The following OR51B5 variants were observed in gnomAD, a reference collection of about 807,000 sequenced individuals.
OR51B5 encodes the protein olfactory receptor 51B5.
For synonymous variants in OR51B5, 186 were observed against 144.8 expected (o/e 1.28, Z -2.04); for missense variants, 456 against 374.6 (o/e 1.22, Z -1.79).
At chr11:5,390,566 G>C (rs7395910) in intron 1 of OR51B5, 440,556 of 559,366 alleles carry the variant, frequency 0.79, 175,669 homozygotes, top group Middle Eastern at 0.84. Context: ...GATTTTAATG[G>C]CTCCTCCTAC....
At chr11:5,433,329 A>G (rs1441492763) in intron 1 of OR51B5, among the ~76,000 whole-genome samples, 1 of 152,242 alleles carries the variant, frequency 6.6e-6, no homozygotes, top group Non-Finnish European at 1.5e-5. Flanking sequence ...AATGTAATAT[A>G]ACAAATTAAA....
chr11:5,484,081 C>T (rs771392971), intron 1 of OR51B5, among the ~76,000 whole-genome samples: 2 of 152,152 alleles, frequency 1.3e-5, no homozygotes, highest in Non-Finnish European at 2.9e-5. Context: ...ACCTTTACAC[C>T]GAGGTCCAAC....
chr11:5,406,860 G>T (rs1321722193), intron 1 of OR51B5, among the ~76,000 whole-genome samples: 2 of 151,974 alleles, frequency 1.3e-5, no homozygotes, highest in Non-Finnish European at 2.9e-5. Context: ...GAGTAAATAA[G>T]AAGAGCTTAC....
rs146834692 is a variant in OR51B5, at chr11:5,428,272, C to CA, written n.84+77296dup. 6.8e-4 allele frequency among the ~76,000 whole-genome samples: 102 copies of CA among 151,048 alleles called. 2 individuals carry two copies. The South Asian group carries it at 0.014, about 20-fold the overall frequency. ...GACTGCCACAATAAAGTGAATATTG[C>CA]AAAAAAAAGAGTCATACTTAAAATT... On this transcript the variant is annotated intron_variant and non_coding_transcript_variant, in intron 1 of 4. Transcript: ENST00000415970.
intron 1 of OR51B5, among the ~76,000 whole-genome samples, chr11:5,395,306 G>A (rs1182566598): frequency 2.0e-5 from 3 of 152,188 alleles, no homozygotes; most frequent in Non-Finnish European, 4.4e-5. Context: ...TGGAAGGGCT[G>A]CATGAGAAAG....
intron 1 of OR51B5, among the ~76,000 whole-genome samples, chr11:5,497,828 C>A (rs1249617459): frequency 6.6e-6 from 1 of 152,186 alleles, no homozygotes; most frequent in Non-Finnish European, 1.5e-5. Flanking sequence ...TGCCATCACA[C>A]ACAGTCTTAG....
downstream of OR51B5, chr11:5,341,194 G>A (rs921146822): frequency 6.6e-6 from 1 of 152,178 alleles, no homozygotes; most frequent in African/African-American, 2.4e-5. Flanking sequence ...CAGGAGACAG[G>A]GAGCAAGTAA....
chr11:5,503,112 C>T (rs61892117), intron 1 of OR51B5, among the ~76,000 whole-genome samples: 13,690 of 152,134 alleles, frequency 0.09, 733 homozygotes, highest in Non-Finnish European at 0.12. Flanking sequence ...ATTGGTAGTG[C>T]TATCTGTGTA....
chr11:5,377,943 C>G (rs542433199), intron 1 of OR51B5, among the ~76,000 whole-genome samples: 4 of 152,132 alleles, frequency 2.6e-5, no homozygotes, highest in South Asian at 2.1e-4. Flanking sequence ...ATTTTCTTCA[C>G]AGAATTGGAA....
intron 1 of OR51B5, among the ~76,000 whole-genome samples, chr11:5,463,637 T>C (rs529670315): frequency 6.6e-5 from 10 of 152,142 alleles, no homozygotes; most frequent in African/African-American, 2.4e-4. Context: ...GTTTAGGTTT[T>C]TGTTTGTTTG....
At chr11:5,478,258 C>A (rs1158497453) in intron 1 of OR51B5, among the ~76,000 whole-genome samples, 2 of 152,034 alleles carry the variant, frequency 1.3e-5, no homozygotes, top group African/African-American at 4.8e-5. Flanking sequence ...CATACTGACA[C>A]CTCACACGGC....
downstream of OR51B5, chr11:5,341,348 G>A (rs1431515538): frequency 1.3e-5 from 2 of 151,828 alleles, no homozygotes; most frequent in African/African-American, 4.9e-5. Flanking sequence ...TTCCTGCTGA[G>A]TTGAGAACAA....
chr11:5,468,620 C>T, intron 1 of OR51B5: 1 of 455,028 alleles, frequency 2.2e-6, no homozygotes, highest in Non-Finnish European at 4.4e-6. Context: ...AGCATGCCTC[C>T]CAAATCGATG....
chr11:5,354,977 TTGGTGAGAAAGG>T (rs1024754944), intron 1 of OR51B5: 2 of 160,204 alleles, frequency 1.2e-5, no homozygotes, highest in African/African-American at 4.8e-5. Context: ...GTGAAAATGG[TTGGTGAGAAAGG>T]TGATGTGCTC....
At chr11:5,466,561 G>T (rs1253510190) in intron 1 of OR51B5, among the ~76,000 whole-genome samples, 2 of 152,214 alleles carry the variant, frequency 1.3e-5, no homozygotes, top group Non-Finnish European at 2.9e-5. Flanking sequence ...TCATCAGCAT[G>T]GCCCTGAGCG....
intron 1 of OR51B5, among the ~76,000 whole-genome samples, chr11:5,419,910 A>G (rs976027533): frequency 1.3e-5 from 2 of 151,792 alleles, no homozygotes; most frequent in Non-Finnish European, 1.5e-5. Context: ...TAATATGATT[A>G]CAATAGAATG....
intron 1 of OR51B5, among the ~76,000 whole-genome samples, chr11:5,443,594 A>C (rs1850723942): frequency 1.3e-5 from 2 of 152,000 alleles, no homozygotes; most frequent in Non-Finnish European, 2.9e-5. Context: ...ATTCATCCAC[A>C]AGATAGGTTT....
At chr11:5,418,691 A>G (rs1398459760) in intron 1 of OR51B5, among the ~76,000 whole-genome samples, 5 of 150,576 alleles carry the variant, frequency 3.3e-5, no homozygotes. Context: ...GAATACATGG[A>G]CACAGCGAGG....
chr11:5,406,494 C>T (rs930530796), intron 1 of OR51B5, among the ~76,000 whole-genome samples: 3 of 152,182 alleles, frequency 2.0e-5, no homozygotes, highest in Admixed American at 6.5e-5. Context: ...GGATTTTCTA[C>T]CTTTATATTC....
Sources: allele counts gnomAD v4.1 joint callset (sites outside exome capture counted in the v4.1 genomes callset), GRCh38; gene constraint gnomAD v4.1.1; transcripts MANE v1.5; gene names NCBI Gene and HGNC (gene_info 2026-07-23, HGNC 2026-07-21).